NLGN1: variants seen among roughly 807,000 people sequenced by gnomAD.
NLGN1 encodes neuroligin-1.
Under a neutral mutation model 65.5 loss-of-function variants are expected in NLGN1, and 12 were observed. The ratio of observed to expected loss-of-function variants is 0.18; its 90% CI spans 0.12 to 0.30. NLGN1 has a LOEUF of 0.30. NLGN1 is among the 10% of genes least tolerant of loss of function. The pLI is 1.00. For missense variants in NLGN1, 750 were observed against 1,007.1 expected, an observed-to-expected ratio of 0.74 and a Z score of 3.46; for synonymous variants, 350 against 359.5, an observed-to-expected ratio of 0.97 and a Z score of 0.30.
intron 3 of NLGN1, among the ~76,000 whole-genome samples, chr3:173,731,365 G>A (rs958374256): frequency 6.6e-6 from 1 of 152,056 alleles, no homozygotes; most frequent in Non-Finnish European, 1.5e-5. Context: ...TTAAATATAA[G>A]ATGGACTGTA....
At chr3:173,499,724 A>T (rs544785646) in intron 2 of NLGN1, among the ~76,000 whole-genome samples, 1 of 151,750 alleles carries the variant, frequency 6.6e-6, no homozygotes, top group East Asian at 1.9e-4. Flanking sequence ...ATCCTCTTTT[A>T]TTTCATTGAG....
At chr3:173,847,765 A>G (rs1042381091) in intron 4 of NLGN1, among the ~76,000 whole-genome samples, 1 of 152,102 alleles carries the variant, frequency 6.6e-6, no homozygotes, top group Non-Finnish European at 1.5e-5. Flanking sequence ...CCACCTACTC[A>G]GGAAGCTGAG....
chr3:173,890,918 G>GA (rs1310753830), intron 4 of NLGN1, among the ~76,000 whole-genome samples: 1 of 152,222 alleles, frequency 6.6e-6, no homozygotes, highest in African/African-American at 2.4e-5. Context: ...AGTGATCTTG[G>GA]AAAAAAGCTA....
chr3:173,515,346 CTTATT>C (rs746906409), intron 2 of NLGN1, among the ~76,000 whole-genome samples: 1 of 151,982 alleles, frequency 6.6e-6, no homozygotes, highest in Non-Finnish European at 1.5e-5. Context: ...TAAGTTATTA[CTTATT>C]TTATTATTGA....
intron 4 of NLGN1, among the ~76,000 whole-genome samples, chr3:173,991,092 G>T (rs1320044397): frequency 6.6e-6 from 1 of 151,906 alleles, no homozygotes; most frequent in Non-Finnish European, 1.5e-5. Context: ...TTATATTAGG[G>T]TTCACTTTTG....
chr3:174,106,519 A>G lies in NLGN1; in HGVS notation c.647-168796A>G, dbSNP rs940830143. On this transcript the variant is annotated intron_variant, in intron 4 of 6. Coordinates refer to ENST00000457714, the Ensembl canonical transcript of NLGN1. ...AAGAAATTAAAAACCAAGAATTTATATATACTATATTTTTTCATTAAACAT... is the reference window on the plus strand; with the variant it reads ...AAGAAATTAAAAACCAAGAATTTATGTATACTATATTTTTTCATTAAACAT... 8.5e-5 allele frequency among the ~76,000 whole-genome samples: 13 copies of G among 152,158 alleles called. No individual in the cohort carries two copies. The South Asian group carries it at 1.0e-3, about 12-fold the overall frequency.
chr3:173,460,009 T>C (rs1723105777), intron 2 of NLGN1, among the ~76,000 whole-genome samples: 2 of 152,102 alleles, frequency 1.3e-5, no homozygotes, highest in African/African-American at 4.8e-5. Context: ...TTTTTTGCTG[T>C]GGGATTCTTA....
chr3:173,843,058 C>A (rs1725081441), intron 4 of NLGN1, among the ~76,000 whole-genome samples: 1 of 152,362 alleles, frequency 6.6e-6, no homozygotes, highest in East Asian at 1.9e-4. Context: ...CTTCTGTGAA[C>A]TCACAGGCTC....
At chr3:173,864,963 A>G (rs529950240) in intron 4 of NLGN1, among the ~76,000 whole-genome samples, 1 of 152,184 alleles carries the variant, frequency 6.6e-6, no homozygotes, top group East Asian at 1.9e-4. Flanking sequence ...CTTGCCATCA[A>G]TTTCTGCTGG....
At chr3:174,288,436 A>G (rs1752367796), downstream of NLGN1, among the ~76,000 whole-genome samples, 1 of 151,486 alleles carries the variant, frequency 6.6e-6, no homozygotes, top group Non-Finnish European at 1.5e-5. Flanking sequence ...TCTGAATTCT[A>G]AAACAGCTGG....
At chr3:173,909,733 G>A (rs1219520545) in intron 4 of NLGN1, among the ~76,000 whole-genome samples, 1 of 152,200 alleles carries the variant, frequency 6.6e-6, no homozygotes, top group Admixed American at 6.5e-5. Flanking sequence ...AGGCTGGAGT[G>A]CAATGGCATG....
intron 3 of NLGN1, among the ~76,000 whole-genome samples, chr3:173,663,331 T>TA (rs1761217401): frequency 6.6e-6 from 1 of 152,124 alleles, no homozygotes; most frequent in Non-Finnish European, 1.5e-5. Flanking sequence ...GCTGATTTGC[T>TA]AAAAAAATTC....
intron 2 of NLGN1, among the ~76,000 whole-genome samples, chr3:173,518,042 C>T (rs1734136116): frequency 6.6e-6 from 1 of 152,100 alleles, no homozygotes; most frequent in African/African-American, 2.4e-5. Context: ...AAGGGTGTAT[C>T]TGTTTTTAAT....
chr3:174,054,444 A>G (rs1301165629), intron 4 of NLGN1, among the ~76,000 whole-genome samples: 1 of 152,052 alleles, frequency 6.6e-6, no homozygotes, highest in Non-Finnish European at 1.5e-5. Flanking sequence ...AATGAGTTCT[A>G]TAAGAAGAAA....
intron 4 of NLGN1, among the ~76,000 whole-genome samples, chr3:174,267,930 GCA>G (rs150654577): frequency 1.3e-5 from 2 of 151,858 alleles, no homozygotes; most frequent in East Asian, 3.9e-4. Context: ...ACATTACAAA[GCA>G]CACACACACA....
At chr3:173,804,219 A>C (rs769982496) in intron 3 of NLGN1, among the ~76,000 whole-genome samples, 2 of 152,246 alleles carry the variant, frequency 1.3e-5, no homozygotes, top group East Asian at 1.9e-4. Context: ...AAGGCTTAAA[A>C]CCATTGCAAA....
At chr3:174,112,276 T>A (rs1715403945) in intron 4 of NLGN1, among the ~76,000 whole-genome samples, 1 of 151,964 alleles carries the variant, frequency 6.6e-6, no homozygotes, top group Non-Finnish European at 1.5e-5. Flanking sequence ...TTGAAATAGA[T>A]AAGATGATTG....
rs185044829 is a variant in NLGN1 at position 173,603,249 on chromosome 3, G to A, written c.-320-1030G>A. On this transcript the variant is annotated intron_variant, in intron 2 of 6. Transcript: ENST00000457714. ...GAACAAGAAAAGACACATTTTTTGA[G>A]CTGTGTGTTATTTGACAGTTAACAT... Among the ~76,000 whole-genome samples the A allele has an allele frequency of 2.7e-3, 417 of 152,218 alleles. 2 individuals are homozygous for A. The highest frequency in any genetic ancestry group is 4.2e-3 in the Non-Finnish European group (285 of 67,980).
chr3:173,477,453 T>G (rs1422470075), intron 2 of NLGN1, among the ~76,000 whole-genome samples: 1 of 152,204 alleles, frequency 6.6e-6, no homozygotes, highest in Admixed American at 6.5e-5. Context: ...GAGGCTGAAG[T>G]TTATCACTTG....
Sources: gnomAD v4.1 joint callset for allele counts (sites outside exome capture counted in the v4.1 genomes callset) on GRCh38, gnomAD v4.1.1 for gene constraint, MANE v1.5 for transcripts, NCBI Gene and HGNC (gene_info 2026-07-23, HGNC 2026-07-21) for gene names.